The following AHR variants were observed in gnomAD, a reference collection of about 807,000 sequenced individuals.
The protein encoded by AHR is aryl hydrocarbon receptor.
A neutral mutation model predicts 86.8 loss-of-function variants in AHR; 40 were observed. The observed-to-expected ratio is 0.46, with a 90% confidence interval of 0.36 to 0.60. AHR has a LOEUF of 0.60. AHR is among the 20% of genes least tolerant of loss of function. The pLI is 0.00. For missense variants in AHR, 1,001 were observed against 1,011.6 expected, an observed-to-expected ratio of 0.99 and a Z score of 0.14; for synonymous variants, 398 against 354.9, an observed-to-expected ratio of 1.12 and a Z score of -1.37.
At chr7:17,328,078 T>C (rs1782247853) in intron 4 of AHR, among the ~76,000 whole-genome samples, 1 of 151,924 alleles carries the variant, frequency 6.6e-6, no homozygotes, top group Non-Finnish European at 1.5e-5. Context: ...TTATCAAGAA[T>C]CTTATATATA....
Position 17,310,094 on chromosome 7 carries a change from G to T in AHR, c.224G>T (p.Ser75Ile). 1.2e-6 allele frequency: 2 copies of T among 1,613,898 alleles called. No individual in the cohort carries two copies. Among genetic ancestry groups the T allele is most frequent in the African/African-American group, 1.3e-5 (1 of 75,018 alleles). ...DKLSVLRLSV[S>I]YLRAKSFFDV... is the part of the protein sequence containing the mutation. ...CTTTCAGTTCTTAGGCTCAGCGTCA[G>T]TTACCTGAGAGCCAAGAGCTTCTTT... The change falls in exon 2 of 11, where the codon AGT (serine) becomes ATT (isoleucine). Residue 75 changes from serine to isoleucine, a missense_variant. By Grantham distance (142) the Ser-to-Ile change is moderately radical. Coordinates refer to ENST00000242057, the MANE Select transcript of AHR (RefSeq NM_001621.5).
intron 10 of AHR, among the ~76,000 whole-genome samples, chr7:17,342,240 T>C (rs1782434175): frequency 6.6e-6 from 1 of 152,154 alleles, no homozygotes; most frequent in African/African-American, 2.4e-5. Flanking sequence ...CATCTTCATG[T>C]CCTTCCTTTT....
chr7:17,330,880 T>G lies in AHR; in HGVS notation c.699T>G (p.Gly233=). The part of the protein sequence containing the change: ...RLRCLLDNSS[G]FLAMNFQGKL... ...GGTGTCTGCTGGATAATTCATCTGG[T>G]TTTCTGGTAAGGTACAAAATTTTAT... Residue 233 remains glycine, a synonymous_variant, in exon 6 of 11, where the codon GGT becomes GGG. Transcript: ENST00000242057. 6.2e-7 allele frequency: 1 copy of G among 1,611,456 alleles called. No homozygotes were observed. Among genetic ancestry groups the G allele is most frequent in the Non-Finnish European group, 8.5e-7 (1 of 1,178,354 alleles).
intron 2 of AHR, among the ~76,000 whole-genome samples, 179 bp downstream of exon 2, chr7:17,310,302 A>G (rs1268643434): frequency 6.6e-6 from 1 of 152,144 alleles, no homozygotes; most frequent in Admixed American, 6.6e-5. Context: ...TTCCAGTTTT[A>G]TTCACCCAAC....
At chr7:17,323,808 A>G (rs1782198446) in intron 3 of AHR, among the ~76,000 whole-genome samples, 1 of 152,170 alleles carries the variant, frequency 6.6e-6, no homozygotes, top group Non-Finnish European at 1.5e-5. Flanking sequence ...CCTAGCCCCA[A>G]CTGAGGATCT....
chr7:17,321,594 T>TACACAC lies in AHR; in HGVS notation c.254-887_254-882dup, dbSNP rs71309046. On this transcript the variant is annotated intron_variant, in intron 2 of 10. Transcript: ENST00000242057. ...TATAAATACATACATACCACACACA[T>TACACAC]ACACACACACACACACACACACACA... Among the ~76,000 whole-genome samples the TACACAC allele has an allele frequency of 3.8e-3, 556 of 147,690 alleles. 2 individuals carry two copies. The highest frequency in any genetic ancestry group is 0.01 in the Middle Eastern group (3 of 286).
chr7:17,309,478 ATACTT>A (rs1162136839), intron 1 of AHR, among the ~76,000 whole-genome samples: 1 of 152,226 alleles, frequency 6.6e-6, no homozygotes, highest in African/African-American at 2.4e-5. Flanking sequence ...ATGAAGATAA[ATACTT>A]TATTTAGGGT....
rs770299044 is a variant in AHR at position 17,345,442 on chromosome 7, A to T, written c.*2378A>T. The stretch of plus-strand genomic sequence containing the variant: ...GTCAAAACTTTAAACCTGTAGAATC[A>T]ATTTAAGTGTTGGAAAAAATTTGTC... On this transcript the variant is annotated 3_prime_UTR_variant, in exon 11 of 11. Coordinates refer to ENST00000242057, the MANE Select transcript of AHR (RefSeq NM_001621.5). The T allele has an allele frequency of 1.3e-5, 2 of 152,660 alleles. No homozygotes were observed. Among genetic ancestry groups the T allele is most frequent in the Non-Finnish European group, 2.9e-5 (2 of 68,038 alleles). 9.5% of individuals were successfully genotyped at this position (152,660 alleles called of 1,614,324 possible). A position where few individuals can be genotyped will look rare whatever the true frequency, so the allele number is the denominator to read the frequency against.
At chr7:17,314,965 T>G (rs1221226445) in intron 2 of AHR, among the ~76,000 whole-genome samples, 1 of 152,072 alleles carries the variant, frequency 6.6e-6, no homozygotes, top group Non-Finnish European at 1.5e-5. Context: ...TTGAATTTGA[T>G]TTACCCATGG....
intron 2 of AHR, among the ~76,000 whole-genome samples, chr7:17,314,313 A>G (rs1426380767): frequency 6.6e-6 from 1 of 152,096 alleles, no homozygotes; most frequent in East Asian, 1.9e-4. Context: ...AATAATCACC[A>G]TTTTATAAAA....
chr7:17,334,013 T>A lies in AHR; in HGVS notation c.807T>A (p.Ala269=), dbSNP rs777334061. ...CTCAGTTGGCTTTGTTTGCGATAGC[T>A]ACTCCACTTCAGCCACCATCCATAC... ...LPPQLALFAI[A]TPLQPPSILE... is the part of the protein sequence containing the mutation. The change falls in exon 7 of 11, where the codon GCT becomes GCA. Residue 269 remains alanine (A), a synonymous_variant. Coordinates refer to ENST00000242057, the MANE Select transcript of AHR (RefSeq NM_001621.5). 1 of 1,613,492 alleles carries A rather than the reference T, an allele frequency of 6.2e-7. No individual in the cohort carries two copies. The highest frequency in any genetic ancestry group is 2.2e-5 in the East Asian group (1 of 44,860).
intron 2 of AHR, among the ~76,000 whole-genome samples, chr7:17,318,707 T>C (rs1446131152): frequency 6.6e-6 from 1 of 152,154 alleles, no homozygotes; most frequent in Non-Finnish European, 1.5e-5. Context: ...AGTGGTGTAA[T>C]ATTTAAAGTG....
Position 17,330,783 on chromosome 7 carries a change from T to C in AHR, c.602T>C (p.Val201Ala), listed in dbSNP as rs750434464. The C allele has an allele frequency of 6.2e-7, 1 of 1,610,308 alleles. No homozygotes were observed. The highest frequency in any genetic ancestry group is 1.1e-5 in the South Asian group (1 of 90,560). The change falls in exon 6 of 11, where the codon GTC (valine) becomes GCC (alanine). Residue 201 changes from valine to alanine, a missense_variant. By Grantham distance (64) the Val-to-Ala change is moderately conservative. Around this residue, in one of 2 missense-constraint regions of AHR, gnomAD observed 394 missense variants for 468.5 expected, o/e 0.84. Transcript: ENST00000242057. ...EEATGLPQTV[V>A]CYNPDQIPPE... is the part of the protein sequence containing the mutation. The stretch of plus-strand genomic sequence containing the variant: ...GCCACTGGTCTCCCCCAGACAGTAG[T>C]CTGTTATAACCCAGACCAGATTCCT...
At chr7:17,334,189 C>T (rs1173178821) in intron 7 of AHR, 75 bp downstream of exon 7, 5 of 1,299,862 alleles carry the variant, frequency 3.8e-6, no homozygotes, top group Non-Finnish European at 5.5e-6. Context: ...GCATGTAAAA[C>T]ATACAGTGTA....
chr7:17,302,810 A>AAATAT (rs1554265200), intron 1 of AHR, among the ~76,000 whole-genome samples: 1 of 149,758 alleles, frequency 6.7e-6, no homozygotes, highest in African/African-American at 2.4e-5. Flanking sequence ...ACAAAAAAAA[A>AAATAT]ATATATATAT....
chr7:17,315,805 G>A (rs956696013), intron 2 of AHR, among the ~76,000 whole-genome samples: 4 of 151,670 alleles, frequency 2.6e-5, no homozygotes, highest in Non-Finnish European at 5.9e-5. Flanking sequence ...GGTAATATTT[G>A]TATATTATTT....
Position 17,344,034 on chromosome 7 carries a change from A to T in AHR, c.*970A>T, listed in dbSNP as rs1263422194. On this transcript the variant is annotated 3_prime_UTR_variant, in exon 11 of 11. Transcript: ENST00000242057. ...TCCATGATGATAGTTGAATGTTGCA[A>T]TGTGAAAAATCTGCTGTTAACTGCA... The T allele has an allele frequency of 6.6e-6, 1 of 152,596 alleles. No individual in the cohort carries two copies. Among genetic ancestry groups the T allele is most frequent in the African/African-American group, 2.4e-5 (1 of 41,448 alleles). 9.5% of individuals were successfully genotyped at this position (152,596 alleles called of 1,614,324 possible). A position where few individuals can be genotyped will look rare whatever the true frequency, so the allele number is the denominator to read the frequency against.
At chr7:17,336,688 T>C (rs938032811) in intron 9 of AHR, among the ~76,000 whole-genome samples, 1 of 152,196 alleles carries the variant, frequency 6.6e-6, no homozygotes, top group Non-Finnish European at 1.5e-5. Context: ...TGTATGTATG[T>C]GTATAAGTAC....
In AHR at chr7:17,340,082, A is replaced by C. The variant is rs778977481; in HGVS notation, c.2257A>C (p.Asn753His). ...TCCTGAAAACCAAAAGCATGGATTAAATCCACAGTCAGCCATAATAACTCC... is the reference window on the plus strand; with the variant it reads ...TCCTGAAAACCAAAAGCATGGATTACATCCACAGTCAGCCATAATAACTCC... ...QLPENQKHGLNPQSAIITPQT... is the reference protein window; with the variant it reads ...QLPENQKHGLHPQSAIITPQT... The change falls in exon 10 of 11, where the codon AAT (asparagine) becomes CAT (histidine). Residue 753 changes from asparagine (N) to histidine (H), a missense_variant. Around this residue, in one of 2 missense-constraint regions of AHR, gnomAD observed 607 missense variants for 543.1 expected, o/e 1.12. Transcript: ENST00000242057. 2 of 1,614,188 alleles carry C rather than the reference A, an allele frequency of 1.2e-6. No homozygotes were observed. The highest frequency in any genetic ancestry group is 2.2e-5 in the South Asian group (2 of 91,084).
Sources: gnomAD v4.1 joint callset for allele counts (sites outside exome capture counted in the v4.1 genomes callset) on GRCh38, gnomAD v4.1.1 for gene constraint, gnomAD v4.1.1 regional missense constraint, MANE v1.5 for transcripts, NCBI Gene and HGNC (gene_info 2026-07-23, HGNC 2026-07-21) for gene names.